LHX4: variants seen among roughly 807,000 people sequenced by gnomAD.
LHX4 encodes LIM homeobox 4, also known as LIM/homeobox protein Lhx4.
LHX4 carries 16 observed loss-of-function variants against 39.2 expected under a neutral mutation model. That is an observed-to-expected ratio of 0.41 (90% CI 0.28 to 0.62). The LOEUF is 0.62. LHX4 is among the 20% of genes least tolerant of loss of function. The pLI is 0.33. For missense variants in LHX4, 439 were observed against 511.9 expected, an observed-to-expected ratio of 0.86 and a Z score of 1.37; for synonymous variants, 206 against 198.1, an observed-to-expected ratio of 1.04 and a Z score of -0.33.
Position 180,264,470 on chromosome 1 carries a change from C to CA in LHX4, c.249-1921dup, listed in dbSNP as rs146214732. Among the ~76,000 whole-genome samples, 1,330 of 151,746 alleles carry CA rather than the reference C, an allele frequency of 8.8e-3. 27 individuals are homozygous for CA. Among genetic ancestry groups the CA allele is most frequent in the African/African-American group, 0.03 (1,235 of 41,354 alleles). On this transcript the variant is annotated intron_variant, in intron 2 of 5. Transcript: ENST00000263726. ...TGATCCAGGTGATGTGGTTACACAG[C>CA]AGTTGTGGAGGACCTGGTTCTCACC...
chr1:180,242,093 C>T (rs61809128), intron 1 of LHX4, among the ~76,000 whole-genome samples: 14,451 of 152,136 alleles, frequency 0.095, 898 homozygotes, highest in Non-Finnish European at 0.14. Flanking sequence ...CTACTTCCTT[C>T]TGCTTTTCTA....
chr1:180,232,483 C>T lies in LHX4; in HGVS notation c.76+1878C>T, dbSNP rs1664204703. 6.6e-6 allele frequency among the ~76,000 whole-genome samples: 1 copy of T among 152,186 alleles called. No individual in the cohort carries two copies. The highest frequency in any genetic ancestry group is 6.5e-5 in the Admixed American group (1 of 15,284). ...AGTTTGCCAAGGCTGAGTCTAGGTTCACACTGTGGAAAACTTGAGGTGTAC... is the reference window on the plus strand; with the variant it reads ...AGTTTGCCAAGGCTGAGTCTAGGTTTACACTGTGGAAAACTTGAGGTGTAC... On this transcript the variant is annotated intron_variant, in intron 1 of 5. Coordinates refer to ENST00000263726, the MANE Select transcript of LHX4 (RefSeq NM_033343.4). This position sits in a 1 kb window ranked among gnomAD's most constrained non-coding sequence, Gnocchi z 5.4.
chr1:180,260,919 C>T (rs72712990), intron 2 of LHX4, among the ~76,000 whole-genome samples: 23,016 of 151,754 alleles, frequency 0.15, 2,004 homozygotes, highest in Admixed American at 0.17. Flanking sequence ...GGGGTCGGCA[C>T]CTCACCTCTC....
In LHX4 at chr1:180,248,361, C is replaced by G; in HGVS notation, c.153C>G (p.His51Gln). ...TGAAGGTCCTGGACAGACACTGGCA[C>G]AGCTCCTGCCTCAAGTGTGCAGACT... ...FILKVLDRHW[H>Q]SSCLKCADCQ... Residue 51 changes from histidine (H) to glutamine (Q), a missense_variant, in exon 2 of 6, where the codon CAC becomes CAG. Transcript: ENST00000263726. The G allele has an allele frequency of 6.2e-7, 1 of 1,614,248 alleles. No homozygotes were observed. The highest frequency in any genetic ancestry group is 8.5e-7 in the Non-Finnish European group (1 of 1,180,038).
chr1:180,252,601 A>AT (rs1558214279), intron 2 of LHX4, among the ~76,000 whole-genome samples: 1 of 152,216 alleles, frequency 6.6e-6, no homozygotes, highest in Non-Finnish European at 1.5e-5. Flanking sequence ...CTCTTTGCCC[A>AT]TAACAAGGAA....
rs886129254 is a variant in LHX4 at position 180,230,428 on chromosome 1, C to G, written c.-102C>G. ...CCGGCTTCCACCGTGACTCCAGCGG[C>G]CTGCTTGGGGTTTTAATTATTATTT... is the stretch of plus-strand genomic sequence containing the variant. On this transcript the variant is annotated 5_prime_UTR_variant, in exon 1 of 6. Transcript: ENST00000263726. The surrounding 1 kb of genome is among the most constrained non-coding windows in gnomAD (Gnocchi z 5.8). The G allele has an allele frequency of 3.9e-6, 4 of 1,027,326 alleles. No homozygotes were observed. In the African/African-American group the frequency reaches 6.3e-5, roughly 16 times the overall value. 63.6% of individuals were successfully genotyped at this position (1,027,326 alleles called of 1,614,324 possible). A position where few individuals can be genotyped will look rare whatever the true frequency, so the allele number is the denominator to read the frequency against.
At chr1:180,248,264 T>C (rs1396329401) in intron 1 of LHX4, 21 bp from the exon 2 acceptor site, 1 of 1,612,836 alleles carries the variant, frequency 6.2e-7, no homozygotes, top group Non-Finnish European at 8.5e-7. Context: ...TCACAGTGCC[T>C]CTCTCTCCTC....
intron 2 of LHX4, among the ~76,000 whole-genome samples, chr1:180,255,162 G>A (rs1359143027): frequency 6.6e-6 from 1 of 152,268 alleles, no homozygotes; most frequent in African/African-American, 2.4e-5. Flanking sequence ...GCGCCTGGGT[G>A]GCTTTCCACT....
intron 2 of LHX4, among the ~76,000 whole-genome samples, chr1:180,255,278 T>G (rs1484828222): frequency 6.6e-6 from 1 of 152,266 alleles, no homozygotes; most frequent in African/African-American, 2.4e-5. Context: ...CCACTTATTA[T>G]TTCTGATAAC....
intron 2 of LHX4, among the ~76,000 whole-genome samples, chr1:180,257,243 T>C (rs1229165615): frequency 6.6e-6 from 1 of 152,248 alleles, no homozygotes; most frequent in Non-Finnish European, 1.5e-5. Context: ...CTCTGTGAAA[T>C]TAGGGCCTTG....
chr1:180,263,732 A>G (rs1321614165), intron 2 of LHX4, among the ~76,000 whole-genome samples: 1 of 152,094 alleles, frequency 6.6e-6, no homozygotes, highest in African/African-American at 2.4e-5. Context: ...GTTATCTTTC[A>G]TGTCTCTGGT....
At chr1:180,245,294 C>T (rs1270231266) in intron 1 of LHX4, among the ~76,000 whole-genome samples, 1 of 152,220 alleles carries the variant, frequency 6.6e-6, no homozygotes, top group Non-Finnish European at 1.5e-5. Flanking sequence ...GGGGGCGTCA[C>T]ACCAAAGGAG....
Position 180,252,716 on chromosome 1 carries a change from G to T in LHX4, c.248+4260G>T, listed in dbSNP as rs79058372. On this transcript the variant is annotated intron_variant, in intron 2 of 5. Coordinates refer to ENST00000263726, the MANE Select transcript of LHX4 (RefSeq NM_033343.4). ...TACGGAGAGTACCCACTGGAGGTGG[G>T]TAGTACCTTGTAATATCTCAAAAGT... is the stretch of plus-strand genomic sequence containing the variant. 5.3e-5 allele frequency among the ~76,000 whole-genome samples: 8 copies of T among 152,310 alleles called. No individual in the cohort carries two copies. In the East Asian group the frequency reaches 9.7e-4, roughly 18 times the overall value.
chr1:180,252,463 G>A (rs1292168841), intron 2 of LHX4, among the ~76,000 whole-genome samples: 1 of 152,054 alleles, frequency 6.6e-6, no homozygotes, highest in Non-Finnish European at 1.5e-5. Flanking sequence ...GCTCCTTGAA[G>A]AAAAAGAAAA....
chr1:180,241,801 T>C (rs188499645), intron 1 of LHX4, among the ~76,000 whole-genome samples: 62 of 151,596 alleles, frequency 4.1e-4, no homozygotes, highest in Admixed American at 2.2e-3. Flanking sequence ...TTTTTGTTTT[T>C]GTGTTTTTTT....
chr1:180,246,558 A>G (rs1647388006), intron 1 of LHX4, among the ~76,000 whole-genome samples: 1 of 152,064 alleles, frequency 6.6e-6, no homozygotes, highest in Admixed American at 6.5e-5. Context: ...TAAAAATACA[A>G]AAAGTAGCCG....
intron 2 of LHX4, among the ~76,000 whole-genome samples, chr1:180,260,018 G>A (rs533047599): frequency 1.3e-5 from 2 of 151,706 alleles, no homozygotes; most frequent in Admixed American, 1.3e-4. Context: ...CTGGAAGGAT[G>A]GTCTATGTGG....
intron 1 of LHX4, among the ~76,000 whole-genome samples, chr1:180,236,084 G>A (rs1387313864): frequency 4.6e-5 from 7 of 151,746 alleles, no homozygotes; most frequent in Non-Finnish European, 7.4e-5. Flanking sequence ...GTTAAGGCAA[G>A]AATGTAGACT....
At chr1:180,231,435 G>C (rs1191380286) in intron 1 of LHX4, among the ~76,000 whole-genome samples, 4 of 151,790 alleles carry the variant, frequency 2.6e-5, no homozygotes, top group Admixed American at 6.6e-5. Context: ...GTCTCTCTCT[G>C]TGTGTATGGG....
Sources: allele counts gnomAD v4.1 joint callset (sites outside exome capture counted in the v4.1 genomes callset), GRCh38; gene constraint gnomAD v4.1.1; non-coding constraint Gnocchi (gnomAD v3.1); transcripts MANE v1.5; gene names NCBI Gene and HGNC (gene_info 2026-07-23, HGNC 2026-07-21).